The following GYS2 variants were observed in gnomAD, a reference collection of about 807,000 sequenced individuals.
The protein encoded by GYS2 is glycogen [starch] synthase, liver.
Under a neutral mutation model 85.6 loss-of-function variants are expected in GYS2, and 80 were observed. The ratio of observed to expected loss-of-function variants is 0.93; its 90% CI spans 0.78 to 1.13. The LOEUF is 1.13. GYS2 is among the 50% of genes most tolerant of loss of function. GYS2 has a pLI of 0.00. For missense variants in GYS2, 881 were observed against 854.9 expected, an observed-to-expected ratio of 1.03 and a Z score of -0.38; for synonymous variants, 328 against 300.7, an observed-to-expected ratio of 1.09 and a Z score of -0.94.
At chr12:21,596,409 G>A (rs1241291825) in intron 1 of GYS2, among the ~76,000 whole-genome samples, 1 of 151,704 alleles carries the variant, frequency 6.6e-6, no homozygotes, top group African/African-American at 2.4e-5. Context: ...CCATGATCAA[G>A]CAGGTTCCAT....
At chr12:21,585,573 A>C (rs1468652713) in intron 1 of GYS2, among the ~76,000 whole-genome samples, 1 of 151,874 alleles carries the variant, frequency 6.6e-6, no homozygotes, top group African/African-American at 2.4e-5. Context: ...AAAAAAAAAA[A>C]AAAAAGACAA....
At chr12:21,564,276 CA>C (rs1412306235) in intron 5 of GYS2, among the ~76,000 whole-genome samples, 1 of 152,040 alleles carries the variant, frequency 6.6e-6, no homozygotes, top group Non-Finnish European at 1.5e-5. Flanking sequence ...ACTAAAAATA[CA>C]AAAATTAGTC....
At chr12:21,571,492 A>G (rs1342717573) in intron 4 of GYS2, among the ~76,000 whole-genome samples, 2 of 152,200 alleles carry the variant, frequency 1.3e-5, no homozygotes, top group Admixed American at 6.5e-5. Flanking sequence ...ATATTAATCA[A>G]TAAAACACAG....
Position 21,550,348 on chromosome 12 carries a change from C to T in GYS2, c.1423-3878G>A, listed in dbSNP as rs558179593. Reference sequence around the variant, plus strand: ...ACACACACACACACACACACACACACACACCCCTGGTTTTTACTACCTTTA... The same window carrying T: ...ACACACACACACACACACACACACATACACCCCTGGTTTTTACTACCTTTA... On this transcript the variant is annotated intron_variant, in intron 11 of 15. Transcript: ENST00000261195. Among the ~76,000 whole-genome samples the T allele has an allele frequency of 3.1e-3, 302 of 97,104 alleles. 1 individual carries two copies. The highest frequency in any genetic ancestry group is 9.9e-3 in the African/African-American group (294 of 29,706). 63.7% of individuals were successfully genotyped at this position (97,104 alleles called of 152,430 possible).
intron 13 of GYS2, among the ~76,000 whole-genome samples, chr12:21,542,250 G>A (rs555277779): frequency 9.2e-5 from 14 of 152,010 alleles, no homozygotes; most frequent in African/African-American, 2.4e-4. Context: ...GGATTTTGCC[G>A]TGTTGGCCAT....
intron 10 of GYS2, among the ~76,000 whole-genome samples, chr12:21,558,721 C>T (rs1224315249): frequency 6.6e-6 from 1 of 152,140 alleles, no homozygotes; most frequent in Non-Finnish European, 1.5e-5. Context: ...TTTGTTTTAT[C>T]TCCTTTGTAA....
At chr12:21,584,265 T>G (rs1393879721) in intron 1 of GYS2, among the ~76,000 whole-genome samples, 1 of 152,200 alleles carries the variant, frequency 6.6e-6, no homozygotes, top group African/African-American at 2.4e-5. Context: ...GTCAGGGACT[T>G]GGAAAAAGCA....
intron 1 of GYS2, among the ~76,000 whole-genome samples, chr12:21,586,419 A>ATATATATC (rs1555159848): frequency 6.8e-6 from 1 of 147,768 alleles, no homozygotes; most frequent in Non-Finnish European, 1.5e-5. Context: ...ATCTAAATCT[A>ATATATATC]TATCTATCTA....
chr12:21,593,452 A>C (rs904688662), intron 1 of GYS2, among the ~76,000 whole-genome samples: 5 of 151,898 alleles, frequency 3.3e-5, no homozygotes, highest in Non-Finnish European at 7.4e-5. Context: ...CCGATACCAC[A>C]GAAATAGAAA....
chr12:21,560,500 G>C lies in GYS2; in HGVS notation c.1063-8C>G, dbSNP rs1386938552. The C allele has an allele frequency of 2.4e-6, 3 of 1,275,742 alleles. No homozygotes were observed. In the East Asian group the frequency reaches 6.9e-5, roughly 29 times the overall value. The allele number at this position is 1,275,742 out of a possible 1,614,324, so 79.0% of individuals were successfully genotyped here. A position where few individuals can be genotyped will look rare whatever the true frequency, so the allele number is the denominator to read the frequency against. On this transcript the variant is annotated splice_region_variant and splice_polypyrimidine_tract_variant and intron_variant, in intron 7 of 15. Transcript: ENST00000261195. Reference sequence around the variant, plus strand: ...GATGTCACTTTTATGCATCTGATGAGGAATTAGAAAACACAGAGTCAACTA... The same window carrying C: ...GATGTCACTTTTATGCATCTGATGACGAATTAGAAAACACAGAGTCAACTA...
At chr12:21,582,587 A>T (rs1196810140) in intron 1 of GYS2, among the ~76,000 whole-genome samples, 1 of 136,894 alleles carries the variant, frequency 7.3e-6, no homozygotes, top group Non-Finnish European at 1.6e-5. Flanking sequence ...ATAGAGATAG[A>T]TATAGAGATA....
chr12:21,598,371 C>G (rs781027263), intron 1 of GYS2, among the ~76,000 whole-genome samples: 19 of 151,978 alleles, frequency 1.3e-4, no homozygotes, highest in Admixed American at 1.2e-3. Flanking sequence ...TTGGTTGAGG[C>G]CTGATTGTAA....
chr12:21,569,513 A>G (rs1409684493), intron 4 of GYS2, among the ~76,000 whole-genome samples: 1 of 152,214 alleles, frequency 6.6e-6, no homozygotes, highest in African/African-American at 2.4e-5. Flanking sequence ...CTTCCCCTTT[A>G]TAATTGCAAA....
chr12:21,541,149 C>T (rs1591776326), intron 13 of GYS2, among the ~76,000 whole-genome samples: 1 of 151,456 alleles, frequency 6.6e-6, no homozygotes, highest in Non-Finnish European at 1.5e-5. Context: ...GCGCCTGTAG[C>T]CCCAGCTACT....
chr12:21,553,848 G>A (rs1201559533), intron 11 of GYS2, among the ~76,000 whole-genome samples: 4 of 151,766 alleles, frequency 2.6e-5, no homozygotes, highest in Non-Finnish European at 4.4e-5. Context: ...AAGAAATGAA[G>A]CACTGTAAAA....
chr12:21,571,456 A>G (rs1392579910), intron 4 of GYS2, among the ~76,000 whole-genome samples: 1 of 152,208 alleles, frequency 6.6e-6, no homozygotes, highest in Non-Finnish European at 1.5e-5. Flanking sequence ...TAATGTGTAT[A>G]GAAAAACAAA....
chr12:21,580,213 A>G (rs1454926282), intron 2 of GYS2, 129 bp downstream of exon 2: 2 of 850,294 alleles, frequency 2.4e-6, no homozygotes, highest in South Asian at 1.4e-5. Context: ...CAAGTTCATC[A>G]TCTTTCTCAC....
intron 11 of GYS2, among the ~76,000 whole-genome samples, chr12:21,554,633 T>G (rs1205858468): frequency 6.6e-6 from 1 of 152,156 alleles, no homozygotes; most frequent in Non-Finnish European, 1.5e-5. Context: ...AGAATACAGA[T>G]AAGGAAACAA....
At chr12:21,561,986 C>T (rs1259396138) in intron 7 of GYS2, among the ~76,000 whole-genome samples, 1 of 151,888 alleles carries the variant, frequency 6.6e-6, no homozygotes. Flanking sequence ...ACACTCTTCT[C>T]CTGTGAATAT....
Sources: gnomAD v4.1 joint callset for allele counts (sites outside exome capture counted in the v4.1 genomes callset) on GRCh38, gnomAD v4.1.1 for gene constraint, MANE v1.5 for transcripts, NCBI Gene and HGNC (gene_info 2026-07-23, HGNC 2026-07-21) for gene names.